The following ETFDH variants were observed in gnomAD, a reference collection of about 807,000 sequenced individuals.
ETFDH encodes the protein electron transfer flavoprotein-ubiquinone oxidoreductase, mitochondrial.
In ETFDH, 61 loss-of-function variants were observed where a neutral mutation model predicts 73.2. The observed-to-expected ratio is 0.83, with a 90% CI of 0.68 to 1.03. The LOEUF is 1.03. Ranked by LOEUF, ETFDH falls within the 50% of genes least tolerant of loss-of-function variation. The pLI, the probability that ETFDH is intolerant of heterozygous loss-of-function variation, is 0.00. For synonymous variants in ETFDH, 243 were observed against 253.3 expected (o/e 0.96, Z 0.39); for missense variants, 685 against 745.0 (o/e 0.92, Z 0.94).
intron 1 of ETFDH, 93 bp from the exon 2 acceptor site, chr4:158,680,374 A>G (rs1006186398): frequency 6.9e-5 from 57 of 821,634 alleles, no homozygotes; most frequent in Non-Finnish European, 8.8e-5. Context: ...ATTTCACTAT[A>G]CTCATTGAGT....
chr4:158,690,432 C>A lies in ETFDH; in HGVS notation c.684+7C>A. On this transcript the variant is annotated splice_region_variant and intron_variant, in intron 6 of 12. Coordinates refer to ENST00000511912, the MANE Select transcript of ETFDH (RefSeq NM_004453.4). ...AAAGGATGGTGCACCAAAGGTAAAC[C>A]TTTTTAATAGTTACGTGCTTAATAA... The A allele has an allele frequency of 6.7e-7, 1 of 1,496,990 alleles. No homozygotes were observed. Among genetic ancestry groups the A allele is most frequent in the Non-Finnish European group, 9.3e-7 (1 of 1,073,346 alleles). The allele number at this position is 1,496,990 out of a possible 1,614,324, so 92.7% of individuals were successfully genotyped here. A position where few individuals can be genotyped will look rare whatever the true frequency, so the allele number is the denominator to read the frequency against.
At chr4:158,703,984 A>T (rs1774537547) in intron 10 of ETFDH, among the ~76,000 whole-genome samples, 1 of 152,174 alleles carries the variant, frequency 6.6e-6, no homozygotes, top group Admixed American at 6.5e-5. Flanking sequence ...CTGTAATCCC[A>T]GCTACTTGGG....
In ETFDH at chr4:158,706,856, A is replaced by C; in HGVS notation, c.1690+6A>C. The C allele has an allele frequency of 6.5e-7, 1 of 1,541,834 alleles. No individual in the cohort carries two copies. The highest frequency in any genetic ancestry group is 9.0e-7 in the Non-Finnish European group (1 of 1,114,288). On this transcript the variant is annotated splice_donor_region_variant and intron_variant, in intron 12 of 12. Coordinates refer to ENST00000511912, the MANE Select transcript of ETFDH (RefSeq NM_004453.4). ...GCAGCGATTCTGTCCTGCAGGTAAT[A>C]ATTTCCATCTATTCCTAAATATTTG...
Position 158,697,632 on chromosome 4 carries a change from A to C in ETFDH, c.905A>C (p.His302Pro), listed in dbSNP as rs772755080. The change falls in exon 8 of 13, where the codon CAT becomes CCT. Residue 302 changes from histidine (H) to proline (P), a missense_variant. Transcript: ENST00000511912. ...DHTVGWPLDR[H>P]TYGGSFLYHL... ...ACTGTTGGTTGGCCCTTGGACAGAC[A>C]TACCTATGGAGGATCTTTCCTCTAT... is the stretch of plus-strand genomic sequence containing the variant. The C allele has an allele frequency of 6.2e-7, 1 of 1,613,468 alleles. No individual in the cohort carries two copies. The highest frequency in any genetic ancestry group is 1.1e-5 in the South Asian group (1 of 91,064).
At chr4:158,684,218 CCT>C in intron 3 of ETFDH, among the ~76,000 whole-genome samples, 1 of 151,998 alleles carries the variant, frequency 6.6e-6, no homozygotes, top group Non-Finnish European at 1.5e-5. Context: ...GGTAAAACCC[CCT>C]CTCTACTAAA....
At chr4:158,672,576 C>T (rs1773601987) in intron 1 of ETFDH, 86 bp downstream of exon 1, 2 of 1,317,868 alleles carry the variant, frequency 1.5e-6, no homozygotes, top group Non-Finnish European at 2.2e-6. Context: ...GCACCTCTCG[C>T]CCCTTCTCTC....
chr4:158,697,321 C>T (rs1235743188), intron 7 of ETFDH, among the ~76,000 whole-genome samples: 1 of 152,152 alleles, frequency 6.6e-6, no homozygotes, highest in East Asian at 1.9e-4. Flanking sequence ...TCTCGAACTC[C>T]TGACCTCAAG....
rs760082007 is a variant in ETFDH at position 158,709,111 on chromosome 4, A to G, written c.*584A>G. ...TCATCCACCATGGATACATCAAAGA[A>G]TCGAAGGAAACAATATACAAACTTA... is the stretch of plus-strand genomic sequence containing the variant. On this transcript the variant is annotated 3_prime_UTR_variant, in exon 13 of 13. Transcript: ENST00000511912. The G allele has an allele frequency of 2.0e-5, 3 of 153,566 alleles. No homozygotes were observed. Among genetic ancestry groups the G allele is most frequent in the Non-Finnish European group, 2.9e-5 (2 of 69,120 alleles). The allele number at this position is 153,566 out of a possible 1,614,324, so 9.5% of individuals were successfully genotyped here. A position where few individuals can be genotyped will look rare whatever the true frequency, so the allele number is the denominator to read the frequency against.
At position 158,697,635 on chromosome 4, in the gene ETFDH, C is replaced by A; in HGVS notation, c.908C>A (p.Thr303Asn). The change falls in exon 8 of 13, where the codon ACC becomes AAC. Residue 303 changes from threonine (T) to asparagine (N), a missense_variant. Coordinates refer to ENST00000511912, the MANE Select transcript of ETFDH (RefSeq NM_004453.4). The part of the protein sequence containing the change: ...HTVGWPLDRH[T>N]YGGSFLYHLN... ...GTTGGTTGGCCCTTGGACAGACATACCTATGGAGGATCTTTCCTCTATCAT... is the reference window on the plus strand; with the variant it reads ...GTTGGTTGGCCCTTGGACAGACATAACTATGGAGGATCTTTCCTCTATCAT... 1 of 1,612,916 alleles carries A rather than the reference C, an allele frequency of 6.2e-7. No homozygotes were observed. Among genetic ancestry groups the A allele is most frequent in the Non-Finnish European group, 8.5e-7 (1 of 1,179,220 alleles).
intron 5 of ETFDH, among the ~76,000 whole-genome samples, chr4:158,688,793 C>T (rs1363397811): frequency 6.6e-6 from 1 of 152,226 alleles, no homozygotes; most frequent in African/African-American, 2.4e-5. Context: ...TAGATACAAT[C>T]CATTCATTAC....
chr4:158,678,758 G>A (rs552694780), intron 1 of ETFDH, among the ~76,000 whole-genome samples: 2 of 150,662 alleles, frequency 1.3e-5, no homozygotes, highest in East Asian at 2.0e-4. Flanking sequence ...AGTGATCATC[G>A]TACCTCAGCC....
chr4:158,697,636 C>T lies in ETFDH; in HGVS notation c.909C>T (p.Thr303=), dbSNP rs1237497189. 1.9e-6 allele frequency: 3 copies of T among 1,612,910 alleles called. No homozygotes were observed. Among genetic ancestry groups the T allele is most frequent in the Non-Finnish European group, 2.5e-6 (3 of 1,179,306 alleles). The change falls in exon 8 of 13, where the codon ACC becomes ACT. Residue 303 remains threonine (T), a synonymous_variant. Transcript: ENST00000511912. ...HTVGWPLDRH[T]YGGSFLYHLN... is the part of the protein sequence containing the mutation. Reference sequence around the variant, plus strand: ...TTGGTTGGCCCTTGGACAGACATACCTATGGAGGATCTTTCCTCTATCATT... The same window carrying T: ...TTGGTTGGCCCTTGGACAGACATACTTATGGAGGATCTTTCCTCTATCATT...
chr4:158,695,049 A>T (rs1774273716), intron 6 of ETFDH, among the ~76,000 whole-genome samples: 2 of 152,338 alleles, frequency 1.3e-5, no homozygotes, highest in South Asian at 2.1e-4. Flanking sequence ...CATTTGGTTA[A>T]AAATAAGTCC....
intron 2 of ETFDH, among the ~76,000 whole-genome samples, chr4:158,681,001 G>A (rs1773844237): frequency 6.6e-6 from 1 of 151,894 alleles, no homozygotes; most frequent in Non-Finnish European, 1.5e-5. Context: ...ACTGGTTTAT[G>A]TATTTACTGT....
intron 12 of ETFDH, among the ~76,000 whole-genome samples, chr4:158,707,112 GCAGGTT>G (rs540154383): frequency 7.1e-4 from 107 of 150,958 alleles, no homozygotes; most frequent in African/African-American, 2.5e-3. Context: ...ACCTCTCTTT[GCAGGTT>G]CATGTGACTA....
At chr4:158,680,250 A>G in intron 1 of ETFDH, 1 of 466,252 alleles carries the variant, frequency 2.1e-6, no homozygotes. Flanking sequence ...GTTAAGCCTG[A>G]CATGAGCTAA....
intron 9 of ETFDH, among the ~76,000 whole-genome samples, chr4:158,701,284 A>T (rs1360486557): frequency 6.6e-6 from 1 of 152,206 alleles, no homozygotes; most frequent in African/African-American, 2.4e-5. Flanking sequence ...GGTGTCAACA[A>T]AGCCACAGCC....
At chr4:158,699,152 T>C (rs1332021692) in intron 9 of ETFDH, 22 bp downstream of exon 9, 1 of 1,595,220 alleles carries the variant, frequency 6.3e-7, no homozygotes, top group Non-Finnish European at 8.6e-7. Flanking sequence ...AACTTTTATT[T>C]TCCTTGTTTC....
chr4:158,706,226 C>T lies in ETFDH; in HGVS notation c.1323C>T (p.Asn441=), dbSNP rs1580422538. 2 of 1,612,494 alleles carry T rather than the reference C, an allele frequency of 1.2e-6. No homozygotes were observed. Among genetic ancestry groups the T allele is most frequent in the African/African-American group, 1.3e-5 (1 of 75,024 alleles). Residue 441 remains asparagine (N), a synonymous_variant, in exon 11 of 13, where the codon AAC becomes AAT. Coordinates refer to ENST00000511912, the MANE Select transcript of ETFDH (RefSeq NM_004453.4). The stretch of plus-strand genomic sequence containing the variant: ...CTGAATATGAGGACAATTTGAAGAA[C>T]TCATGGGTATGGAAAGAGCTATATT... ...HVTEYEDNLK[N]SWVWKELYSV...
Sources: allele counts gnomAD v4.1 joint callset (sites outside exome capture counted in the v4.1 genomes callset), GRCh38; gene constraint gnomAD v4.1.1; transcripts MANE v1.5; gene names NCBI Gene and HGNC (gene_info 2026-07-23, HGNC 2026-07-21).